Variants in ADAMTS13 observed in about 807,000 individuals in gnomAD.
ADAMTS13 encodes ADAM metallopeptidase with thrombospondin type 1 motif 13.
A neutral mutation model predicts 155.1 loss-of-function variants in ADAMTS13; 110 were observed. The ratio of observed to expected loss-of-function variants is 0.71; its 90% CI spans 0.61 to 0.83. The LOEUF is 0.83. Ranked by LOEUF, ADAMTS13 falls within the 40% of genes least tolerant of loss-of-function variation. The pLI is 0.00. For missense variants in ADAMTS13, 1,707 were observed against 1,891.7 expected, an observed-to-expected ratio of 0.90 and a Z score of 1.81; for synonymous variants, 758 against 756.4, an observed-to-expected ratio of 1.00 and a Z score of -0.03.
Position 133,445,202 on chromosome 9 carries a change from A to T in ADAMTS13, c.2610+150A>T. 1 of 977,970 alleles carries T rather than the reference A, an allele frequency of 1.0e-6. No individual in the cohort carries two copies. The highest frequency in any genetic ancestry group is 1.5e-6 in the Non-Finnish European group (1 of 667,584). 60.6% of individuals were successfully genotyped at this position (977,970 alleles called of 1,614,324 possible). On this transcript the variant is annotated intron_variant, in intron 20 of 28. Coordinates refer to ENST00000355699, the MANE Select transcript of ADAMTS13 (RefSeq NM_139027.6). This position sits in a 1 kb window ranked among gnomAD's most constrained non-coding sequence, Gnocchi z 5.0. ...CTGTCTGAGGGCCACCCCTGCTCAG[A>T]AAAGAAGCTTAGAAAGAGGGCTCAG...
Position 133,449,901 on chromosome 9 carries a change from C to G in ADAMTS13, c.2980C>G (p.Gln994Glu), listed in dbSNP as rs781842320. ...DDGEEILLDTQCQGLPRPEPQ... is the reference protein window; with the variant it reads ...DDGEEILLDTECQGLPRPEPQ... ...TGGTGAGGAGATCCTGTTGGACACC[C>G]AGTGCCAGGGGCTGCCTCGCCCGGA... Residue 994 changes from glutamine (Q) to glutamate (E), a missense_variant, in exon 23 of 29, where the codon CAG becomes GAG. Gln to Glu is a conservative substitution (Grantham distance 29). Around this residue, in one of 3 missense-constraint regions of ADAMTS13, gnomAD observed 961 missense variants for 1,107.9 expected, o/e 0.87. Transcript: ENST00000355699. 1.9e-6 allele frequency: 3 copies of G among 1,613,660 alleles called. No individual in the cohort carries two copies. Among genetic ancestry groups the G allele is most frequent in the East Asian group, 2.2e-5 (1 of 44,866 alleles).
intron 1 of ADAMTS13, chr9:133,414,710 T>C (rs200846181): frequency 1.2e-6 from 2 of 1,614,026 alleles, no homozygotes; most frequent in East Asian, 2.2e-5. Context: ...CCGCTTCTTA[T>C]GCTCGATGTC....
At chr9:133,451,423 A>G (rs906620254) in intron 23 of ADAMTS13, among the ~76,000 whole-genome samples, 1 of 152,154 alleles carries the variant, frequency 6.6e-6, no homozygotes, top group Admixed American at 6.5e-5. Context: ...ACACCCAGCT[A>G]ACTTTTGTAT....
chr9:133,457,958 C>T lies in ADAMTS13; in HGVS notation c.3773C>T (p.Ser1258Leu), dbSNP rs142060916. 1.7e-4 allele frequency: 277 copies of T among 1,613,748 alleles called. 1 individual carries two copies. The highest frequency in any genetic ancestry group is 1.6e-3 in the East Asian group (71 of 44,880). The part of the protein sequence containing the change: ...FGPWGEIVSP[S>L]LSPATSNAGG... ...CCCTGGGGTGAAATCGTGAGCCCCTCGCTGAGTCCAGCCACGAGTAATGCA... is the reference window on the plus strand; with the variant it reads ...CCCTGGGGTGAAATCGTGAGCCCCTTGCTGAGTCCAGCCACGAGTAATGCA... Residue 1258 changes from serine to leucine, a missense_variant, in exon 28 of 29, where the codon TCG (serine) becomes TTG (leucine). By Grantham distance (145) the Ser-to-Leu change is moderately radical. Coordinates refer to ENST00000355699, the MANE Select transcript of ADAMTS13 (RefSeq NM_139027.6).
intron 19 of ADAMTS13, among the ~76,000 whole-genome samples, chr9:133,444,407 C>T (rs1841916437): frequency 6.6e-6 from 1 of 151,996 alleles, no homozygotes; most frequent in Admixed American, 6.6e-5. Context: ...GGCTGGTATG[C>T]AGTGGCATGA....
chr9:133,444,788 GC>G, intron 19 of ADAMTS13, 74 bp from the exon 20 acceptor site: 1 of 1,504,772 alleles, frequency 6.6e-7, no homozygotes, highest in Admixed American at 1.9e-5. Context: ...CTTCCTCCCT[GC>G]CCCTAGCAGC....
chr9:133,432,627 G>A lies in ADAMTS13; in HGVS notation c.1027G>A (p.Asp343Asn). The stretch of plus-strand genomic sequence containing the variant: ...CCTCTCCTGCCACACAGACCCGCTG[G>A]ACCAAAGCAGCTGCAGCCGCCTCCT... ...QALSCHTDPL[D>N]QSSCSRLLVP... is the part of the protein sequence containing the mutation. Residue 343 changes from aspartate to asparagine, a missense_variant, in exon 9 of 29, where the codon GAC (aspartate) becomes AAC (asparagine). Physicochemically the swap from Asp to Asn is conservative, Grantham distance 23. Around this residue, in one of 3 missense-constraint regions of ADAMTS13, gnomAD observed 733 missense variants for 749.6 expected, o/e 0.98. Coordinates refer to ENST00000355699, the MANE Select transcript of ADAMTS13 (RefSeq NM_139027.6). 6.4e-7 allele frequency: 1 copy of A among 1,558,466 alleles called. No homozygotes were observed. Among genetic ancestry groups the A allele is most frequent in the Non-Finnish European group, 8.7e-7 (1 of 1,150,592 alleles).
At chr9:133,417,627 A>T, upstream of ADAMTS13, 1 of 1,613,490 alleles carries the variant, frequency 6.2e-7, no homozygotes, top group Non-Finnish European at 8.5e-7. Flanking sequence ...CACCTCTTGC[A>T]GCGCCTTCCA....
Position 133,443,525 on chromosome 9 carries a change from C to A in ADAMTS13, c.2384C>A (p.Ala795Glu). 1 of 1,574,754 alleles carries A rather than the reference C, an allele frequency of 6.4e-7. No homozygotes were observed. The highest frequency in any genetic ancestry group is 8.6e-7 in the Non-Finnish European group (1 of 1,166,584). Reference sequence around the variant, plus strand: ...GCAGGGGCCCAGCAGCCAGCTGTGGCGCTGGAAACCTGCAACCCCCAGCCC... The same window carrying A: ...GCAGGGGCCCAGCAGCCAGCTGTGGAGCTGGAAACCTGCAACCCCCAGCCC... The part of the protein sequence containing the change: ...CRAGAQQPAV[A>E]LETCNPQPCP... Residue 795 changes from alanine (A) to glutamate (E), a missense_variant, in exon 19 of 29, where the codon GCG (alanine) becomes GAG (glutamate). Physicochemically the swap from Ala to Glu is moderately radical, Grantham distance 107 (BLOSUM62 -1). This residue lies in a region of ADAMTS13 where 961 missense variants were observed against 1,107.9 expected (regional missense o/e 0.87). Coordinates refer to ENST00000355699, the MANE Select transcript of ADAMTS13 (RefSeq NM_139027.6).
upstream of ADAMTS13, among the ~76,000 whole-genome samples, chr9:133,421,734 T>G (rs1012022541): frequency 2.6e-5 from 4 of 151,642 alleles, no homozygotes; most frequent in Non-Finnish European, 5.9e-5. Context: ...TGGCAGGAAG[T>G]GTAGGTGTGT....
upstream of ADAMTS13, chr9:133,417,970 C>T: frequency 1.2e-6 from 1 of 847,374 alleles, no homozygotes; most frequent in Non-Finnish European, 1.8e-6. Flanking sequence ...GGACCCCGTC[C>T]AGGAAAAGAC....
In ADAMTS13 at chr9:133,441,355, C is replaced by T. The variant is rs376806939; in HGVS notation, c.1968+830C>T. ...CTCTTCCCCTGATATGGTTCCCTTC[C>T]TCCCCTCCCCTTGCCTGGGACATTG... On this transcript the variant is annotated intron_variant, in intron 16 of 28. Transcript: ENST00000355699. The surrounding 1 kb of genome is among the most constrained non-coding windows in gnomAD (Gnocchi z 5.0). Among the ~76,000 whole-genome samples the T allele has an allele frequency of 7.5e-4, 114 of 152,320 alleles. 1 individual carries two copies. The highest frequency in any genetic ancestry group is 2.7e-3 in the African/African-American group (114 of 41,572).
chr9:133,457,980 T>C lies in ADAMTS13; in HGVS notation c.3795T>C (p.Asn1265=), dbSNP rs377265919. 6.2e-6 allele frequency: 10 copies of C among 1,613,568 alleles called. No homozygotes were observed. The highest frequency in any genetic ancestry group is 2.7e-5 in the African/African-American group (2 of 74,934). The stretch of plus-strand genomic sequence containing the variant: ...CCTCGCTGAGTCCAGCCACGAGTAA[T>C]GCAGGGGGCTGCCGGCTCTTCATTA... The part of the protein sequence containing the change: ...VSPSLSPATS[N]AGGCRLFINV... The change falls in exon 28 of 29, where the codon AAT becomes AAC. Residue 1265 remains asparagine, a synonymous_variant. Transcript: ENST00000355699.
At position 133,441,235 on chromosome 9, in the gene ADAMTS13, C is replaced by T. The variant is rs1388204272; in HGVS notation, c.1968+710C>T. On this transcript the variant is annotated intron_variant, in intron 16 of 28. Transcript: ENST00000355699. The surrounding 1 kb of genome is among the most constrained non-coding windows in gnomAD (Gnocchi z 5.0). ...GGCCCAGTCTCAGCGGCCGGAGCAG[C>T]GTCCTCTGCCCCTACAGCAGCCAGA... Among the ~76,000 whole-genome samples, 2 of 152,146 alleles carry T rather than the reference C, an allele frequency of 1.3e-5. No homozygotes were observed. The highest frequency in any genetic ancestry group is 2.1e-4 in the South Asian group (1 of 4,828).
rs1840855355 is a variant in ADAMTS13 at position 133,432,626 on chromosome 9, G to A, written c.1026G>A (p.Leu342=). ...CQALSCHTDP[L]DQSSCSRLLV... ...CCCTCTCCTGCCACACAGACCCGCT[G>A]GACCAAAGCAGCTGCAGCCGCCTCC... The change falls in exon 9 of 29, where the codon CTG becomes CTA. Residue 342 remains leucine, a synonymous_variant. Transcript: ENST00000355699. The A allele has an allele frequency of 6.4e-7, 1 of 1,558,380 alleles. No homozygotes were observed. The highest frequency in any genetic ancestry group is 8.7e-7 in the Non-Finnish European group (1 of 1,150,562).
intron 22 of ADAMTS13, among the ~76,000 whole-genome samples, chr9:133,449,314 C>T (rs1445446760): frequency 2.6e-5 from 4 of 151,994 alleles, no homozygotes; most frequent in African/African-American, 7.3e-5. Flanking sequence ...AGACAAATGT[C>T]CCTGACCTCC....
chr9:133,436,685 CAG>C (rs782154590), intron 11 of ADAMTS13, 142 bp from the exon 12 acceptor site: 8 of 825,694 alleles, frequency 9.7e-6, no homozygotes, highest in Non-Finnish European at 1.6e-5. Context: ...CCCCAGTTTA[CAG>C]AGCAGGGAAC....
At chr9:133,452,458 AGT>A (rs1842491937) in intron 23 of ADAMTS13, among the ~76,000 whole-genome samples, 1 of 152,026 alleles carries the variant, frequency 6.6e-6, no homozygotes, top group Non-Finnish European at 1.5e-5. Context: ...CTGTGTCACT[AGT>A]GTGTCCTGAT....
rs1842026641 is a variant in ADAMTS13 at position 133,445,822 on chromosome 9, G to A, written c.2731+3G>A. ...GTGCTCCGTCTCCTGCGGGCGAGGT[G>A]AGGGCCCCCGGGATGCTCCTGGGGA... is the stretch of plus-strand genomic sequence containing the variant. On this transcript the variant is annotated splice_donor_region_variant and intron_variant, in intron 21 of 28. Coordinates refer to ENST00000355699, the MANE Select transcript of ADAMTS13 (RefSeq NM_139027.6). The surrounding 1 kb of genome is among the most constrained non-coding windows in gnomAD (Gnocchi z 5.0). 9.5e-6 allele frequency: 15 copies of A among 1,574,794 alleles called. No homozygotes were observed. The highest frequency in any genetic ancestry group is 1.3e-5 in the Non-Finnish European group (15 of 1,153,770).
Sources: allele counts gnomAD v4.1 joint callset (sites outside exome capture counted in the v4.1 genomes callset), GRCh38; gene constraint gnomAD v4.1.1; regional missense constraint gnomAD v4.1.1; non-coding constraint Gnocchi (gnomAD v3.1); transcripts MANE v1.5; gene names NCBI Gene and HGNC (gene_info 2026-07-23, HGNC 2026-07-21).